The following TGFB2 variants were observed in gnomAD, a reference collection of about 807,000 sequenced individuals.
The protein encoded by TGFB2 is transforming growth factor beta 2.
TGFB2 carries 13 observed loss-of-function variants against 42.7 expected under a neutral mutation model. That is an observed-to-expected ratio of 0.30 (90% CI 0.20 to 0.48). The LOEUF (loss-of-function observed/expected upper bound fraction) is 0.48, where lower values mean the gene tolerates loss of function less well. Among genes scored for constraint, TGFB2 ranks in the 20% least tolerant of loss-of-function variants. The pLI is 0.99. For missense variants in TGFB2, 390 were observed against 517.5 expected (o/e 0.75, Z 2.39); for synonymous variants, 193 against 193.6 (o/e 1.00, Z 0.03).
chr1:218,371,755 C>T (rs1402177905), intron 1 of TGFB2, among the ~76,000 whole-genome samples: 1 of 152,204 alleles, frequency 6.6e-6, no homozygotes, highest in African/African-American at 2.4e-5. Context: ...CCATGAGGTT[C>T]TGTAGATGTT....
intron 1 of TGFB2, among the ~76,000 whole-genome samples, chr1:218,365,987 C>T (rs185411851): frequency 1.3e-4 from 20 of 152,324 alleles, no homozygotes; most frequent in African/African-American, 4.3e-4. Context: ...GGACTGGCAG[C>T]TCTGATGCTG....
chr1:218,355,860 G>C (rs1657015547), intron 1 of TGFB2, among the ~76,000 whole-genome samples: 1 of 152,114 alleles, frequency 6.6e-6, no homozygotes, highest in African/African-American at 2.4e-5. Context: ...AATTAACTCA[G>C]CCATTGATTA....
intron 2 of TGFB2, among the ~76,000 whole-genome samples, chr1:218,417,617 A>C (rs982422493): frequency 5.3e-5 from 8 of 152,214 alleles, no homozygotes; most frequent in African/African-American, 1.9e-4. Context: ...CCCCAAGACA[A>C]TGGGAAAAAT....
intron 2 of TGFB2, among the ~76,000 whole-genome samples, chr1:218,414,251 A>ACG (rs1659199704): frequency 1.3e-5 from 2 of 152,008 alleles, no homozygotes; most frequent in African/African-American, 2.4e-5. Flanking sequence ...ACACACACAC[A>ACG]CACGCACACA....
At chr1:218,385,597 T>TAG (rs1658108455) in intron 1 of TGFB2, among the ~76,000 whole-genome samples, 2 of 152,184 alleles carry the variant, frequency 1.3e-5, no homozygotes, top group Admixed American at 1.3e-4. Flanking sequence ...AAGACCAAGA[T>TAG]CTTCTCACAT....
chr1:218,377,856 C>G (rs17047736), intron 1 of TGFB2, among the ~76,000 whole-genome samples: 3,288 of 152,264 alleles, frequency 0.022, 116 homozygotes, highest in African/African-American at 0.075. Context: ...CTAATATAAC[C>G]CCAGCATCCA....
chr1:218,346,459 C>T lies in TGFB2; in HGVS notation c.-243C>T. ...CTTCTTACTCGCCAAAGTCAGGGTTCCCTCTGCCCGTCCCGTATTAATATT... is the reference window on the plus strand; with the variant it reads ...CTTCTTACTCGCCAAAGTCAGGGTTTCCTCTGCCCGTCCCGTATTAATATT... On this transcript the variant is annotated 5_prime_UTR_variant, in exon 1 of 7. Transcript: ENST00000366930. This position sits in a 1 kb window ranked among gnomAD's most constrained non-coding sequence, Gnocchi z 4.9. 4 of 420,262 alleles carry T rather than the reference C, an allele frequency of 9.5e-6. No individual in the cohort carries two copies. The highest frequency in any genetic ancestry group is 5.2e-5 in the South Asian group (1 of 19,376). The allele number at this position is 420,262 out of a possible 1,614,324, so 26.0% of individuals were successfully genotyped here. A position where few individuals can be genotyped will look rare whatever the true frequency, so the allele number is the denominator to read the frequency against.
chr1:218,426,553 T>C (rs1306658931), intron 2 of TGFB2, among the ~76,000 whole-genome samples: 1 of 152,224 alleles, frequency 6.6e-6, no homozygotes, highest in African/African-American at 2.4e-5. Context: ...ACACATATTA[T>C]ATCTAATGAT....
chr1:218,425,254 C>A (rs995594395), intron 2 of TGFB2, among the ~76,000 whole-genome samples: 14 of 152,122 alleles, frequency 9.2e-5, no homozygotes, highest in African/African-American at 3.4e-4. Flanking sequence ...ATCACGGAGG[C>A]TGGAGTGCAG....
intron 1 of TGFB2, among the ~76,000 whole-genome samples, chr1:218,358,545 ACT>A (rs1657108759): frequency 7.2e-6 from 1 of 138,722 alleles, no homozygotes; most frequent in Non-Finnish European, 1.5e-5. Context: ...TTTATAGTGA[ACT>A]CTTTTTTTTT....
In TGFB2 at chr1:218,355,173, T is replaced by C. The variant is rs138213672; in HGVS notation, c.346+8126T>C. ...CCTCGGTCTCCCAAAGTGCTGGGAT[T>C]ATAGGCCCGAGCCACCGTGCCCAGC... On this transcript the variant is annotated intron_variant, in intron 1 of 6. Transcript: ENST00000366930. Among the ~76,000 whole-genome samples the C allele has an allele frequency of 2.0e-5, 3 of 152,324 alleles. No homozygotes were observed. In the East Asian group the frequency reaches 5.8e-4, roughly 29 times the overall value.
chr1:218,378,719 G>A (rs906233204), intron 1 of TGFB2, among the ~76,000 whole-genome samples: 37 of 151,230 alleles, frequency 2.4e-4, no homozygotes, highest in African/African-American at 8.0e-4. Flanking sequence ...GGATCCTTCC[G>A]CCTCAACCTC....
Position 218,436,012 on chromosome 1 carries a change from C to A in TGFB2, c.797C>A (p.Thr266Asn), listed in dbSNP as rs1356922676. 6.2e-7 allele frequency: 1 copy of A among 1,613,758 alleles called. No individual in the cohort carries two copies. Among genetic ancestry groups the A allele is most frequent in the African/African-American group, 1.3e-5 (1 of 74,882 alleles). ...ACATATACCAGTGGTGATCAGAAAA[C>A]TATAAAGTCCACTAGGAAAAAAAAC... ...TSTYTSGDQKTIKSTRKKNSG... is the reference protein window; with the variant it reads ...TSTYTSGDQKNIKSTRKKNSG... Residue 266 changes from threonine (T) to asparagine (N), a missense_variant, in exon 5 of 7, where the codon ACT becomes AAT. Transcript: ENST00000366930.
At chr1:218,435,828 A>G (rs1659952474) in intron 4 of TGFB2, 142 bp from the exon 5 acceptor site, 4 of 790,780 alleles carry the variant, frequency 5.1e-6, no homozygotes, top group South Asian at 1.8e-5. Flanking sequence ...ATCTATTTCC[A>G]TGGGGAATAA....
chr1:218,435,669 G>C (rs1272716139), intron 4 of TGFB2, among the ~76,000 whole-genome samples: 1 of 152,190 alleles, frequency 6.6e-6, no homozygotes, highest in Non-Finnish European at 1.5e-5. Flanking sequence ...AAACTGCCTA[G>C]ATTGCCCTTG....
intron 1 of TGFB2, among the ~76,000 whole-genome samples, chr1:218,384,726 G>C (rs1453871313): frequency 6.6e-6 from 1 of 152,184 alleles, no homozygotes; most frequent in Non-Finnish European, 1.5e-5. Context: ...AAACTCAGGG[G>C]CTATGGACAG....
chr1:218,376,345 T>C (rs1452990892), intron 1 of TGFB2, among the ~76,000 whole-genome samples: 4 of 152,216 alleles, frequency 2.6e-5, no homozygotes, highest in Admixed American at 1.3e-4. Context: ...GTCATTTCAC[T>C]TTAAGCTCTG....
At position 218,428,784 on chromosome 1, in the gene TGFB2, T is replaced by A. The variant is rs142267362; in HGVS notation, c.511-5298T>A. Among the ~76,000 whole-genome samples the A allele has an allele frequency of 3.9e-3, 588 of 152,238 alleles. 3 individuals are homozygous for A. Among genetic ancestry groups the A allele is most frequent in the Non-Finnish European group, 6.9e-3 (469 of 68,020 alleles). On this transcript the variant is annotated intron_variant, in intron 2 of 6. Coordinates refer to ENST00000366930, the MANE Select transcript of TGFB2 (RefSeq NM_003238.6). The stretch of plus-strand genomic sequence containing the variant: ...TCAGGTAGCATGATGCTTCCAGCTT[T>A]GTTCTTTTGGCTTAGGTTTGTCTTG...
intron 2 of TGFB2, among the ~76,000 whole-genome samples, chr1:218,418,692 T>C (rs1558254748): frequency 1.3e-5 from 2 of 152,080 alleles, no homozygotes; most frequent in Non-Finnish European, 2.9e-5. Context: ...AGGGACCTAG[T>C]GGGAGGTAAT....
Sources: gnomAD v4.1 joint callset for allele counts (sites outside exome capture counted in the v4.1 genomes callset) on GRCh38, gnomAD v4.1.1 for gene constraint, Gnocchi (gnomAD v3.1) non-coding constraint, MANE v1.5 for transcripts, NCBI Gene and HGNC (gene_info 2026-07-23, HGNC 2026-07-21) for gene names.